GABBR2: variants seen among roughly 807,000 people sequenced by gnomAD.
GABBR2 encodes gamma-aminobutyric acid type B receptor subunit 2.
A neutral mutation model predicts 105.6 loss-of-function variants in GABBR2; 23 were observed. The observed-to-expected ratio is 0.22, with a 90% confidence interval of 0.16 to 0.31. The LOEUF (loss-of-function observed/expected upper bound fraction) is 0.31, where lower values mean the gene tolerates loss of function less well. Among genes scored for constraint, GABBR2 ranks in the 10% least tolerant of loss-of-function variants. GABBR2 has a pLI of 1.00. For synonymous variants in GABBR2, 478 were observed against 499.7 expected (o/e 0.96, Z 0.58); for missense variants, 734 against 1,245.5 (o/e 0.59, Z 6.18).
chr9:98,350,875 T>G (rs1831387304), intron 13 of GABBR2, among the ~76,000 whole-genome samples: 1 of 152,204 alleles, frequency 6.6e-6, no homozygotes, highest in Non-Finnish European at 1.5e-5. Context: ...GGAGTCTACC[T>G]CTTTCTTTAG....
chr9:98,301,941 C>T (rs1336812), intron 16 of GABBR2, among the ~76,000 whole-genome samples: 154 of 152,268 alleles, frequency 1.0e-3, no homozygotes, highest in African/African-American at 3.3e-3. Flanking sequence ...CTGTGAGCCC[C>T]CCAAAGGGCG....
intron 7 of GABBR2, among the ~76,000 whole-genome samples, chr9:98,410,463 T>C (rs1052383456): frequency 1.3e-5 from 2 of 151,008 alleles, no homozygotes; most frequent in African/African-American, 4.9e-5. Context: ...GAAGCGGTCA[T>C]GGGAGATTAG....
At chr9:98,620,042 C>T (rs1188375800) in intron 1 of GABBR2, among the ~76,000 whole-genome samples, 1 of 152,172 alleles carries the variant, frequency 6.6e-6, no homozygotes, top group Non-Finnish European at 1.5e-5. Flanking sequence ...TGTGAGAAAC[C>T]CGTGAGATAG....
intron 14 of GABBR2, among the ~76,000 whole-genome samples, chr9:98,309,205 TGAA>T (rs1830598365): frequency 2.6e-5 from 4 of 152,266 alleles, no homozygotes; most frequent in African/African-American, 4.8e-5. Context: ...ATGAGCTGGC[TGAA>T]GCTGTTAGCT....
At chr9:98,637,171 C>T (rs1055283383) in intron 1 of GABBR2, among the ~76,000 whole-genome samples, 1 of 152,132 alleles carries the variant, frequency 6.6e-6, no homozygotes, top group African/African-American at 2.4e-5. Context: ...TGCAGTGAGT[C>T]CAAGTAAAAT....
intron 2 of GABBR2, among the ~76,000 whole-genome samples, chr9:98,566,707 G>A (rs62576025): frequency 0.087 from 13,033 of 149,796 alleles, 784 homozygotes; most frequent in Non-Finnish European, 0.14. Flanking sequence ...TTAGCTGGGC[G>A]TGGTAGTATG....
intron 1 of GABBR2, among the ~76,000 whole-genome samples, chr9:98,588,807 G>A (rs1004639955): frequency 6.6e-6 from 1 of 152,184 alleles, no homozygotes; most frequent in Non-Finnish European, 1.5e-5. Flanking sequence ...GACGATGTGT[G>A]CCATGCCCAG....
At chr9:98,603,603 C>A (rs1564128013) in intron 1 of GABBR2, among the ~76,000 whole-genome samples, 1 of 152,092 alleles carries the variant, frequency 6.6e-6, no homozygotes, top group East Asian at 1.9e-4. Context: ...TTTTTGCCTC[C>A]CACCCTGGGC....
chr9:98,317,668 C>G (rs147184313), intron 13 of GABBR2, among the ~76,000 whole-genome samples: 1 of 152,184 alleles, frequency 6.6e-6, no homozygotes, highest in Non-Finnish European at 1.5e-5. Context: ...GTCCTACATT[C>G]ATTCATTCGA....
intron 6 of GABBR2, among the ~76,000 whole-genome samples, chr9:98,458,991 T>C (rs1431079784): frequency 6.6e-6 from 1 of 152,202 alleles, no homozygotes; most frequent in Non-Finnish European, 1.5e-5. Context: ...ACTTAGGGAA[T>C]GGCTGATGTT....
chr9:98,592,181 C>A (rs1829156506), intron 1 of GABBR2, among the ~76,000 whole-genome samples: 1 of 152,124 alleles, frequency 6.6e-6, no homozygotes, highest in African/African-American at 2.4e-5. Flanking sequence ...AGGCATGGCC[C>A]CACCCAAGTA....
At chr9:98,698,329 A>G (rs1473967877) in intron 1 of GABBR2, among the ~76,000 whole-genome samples, 1 of 152,174 alleles carries the variant, frequency 6.6e-6, no homozygotes, top group Non-Finnish European at 1.5e-5. Flanking sequence ...TGACAATGAC[A>G]CTTCATCCTT....
intron 2 of GABBR2, among the ~76,000 whole-genome samples, chr9:98,551,237 T>C (rs1434796866): frequency 6.6e-6 from 1 of 152,100 alleles, no homozygotes; most frequent in Admixed American, 6.5e-5. Context: ...ACCCTGTCTC[T>C]ACTAAAAATA....
At chr9:98,305,473 T>C (rs964670584) in intron 15 of GABBR2, among the ~76,000 whole-genome samples, 1 of 152,168 alleles carries the variant, frequency 6.6e-6, no homozygotes, top group Non-Finnish European at 1.5e-5. Context: ...GGACAAAACA[T>C]TAAGCAAAGA....
chr9:98,332,425 T>C (rs1831044168), intron 13 of GABBR2, among the ~76,000 whole-genome samples: 1 of 152,128 alleles, frequency 6.6e-6, no homozygotes, highest in African/African-American at 2.4e-5. Flanking sequence ...TACTTGAACA[T>C]GTTATCTCAG....
intron 4 of GABBR2, among the ~76,000 whole-genome samples, chr9:98,490,513 A>C (rs1284525328): frequency 6.6e-6 from 1 of 152,202 alleles, no homozygotes; most frequent in Non-Finnish European, 1.5e-5. Context: ...TTACAATAAA[A>C]GATTTTCTTT....
Position 98,454,005 on chromosome 9 carries a change from G to A in GABBR2, c.1212C>T (p.Asn404=), listed in dbSNP as rs140891913. The change falls in exon 7 of 19, where the codon AAC becomes AAT. Residue 404 remains asparagine (N), a synonymous_variant. Coordinates refer to ENST00000259455, the MANE Select transcript of GABBR2 (RefSeq NM_005458.8). The surrounding 1 kb of genome is among the most constrained non-coding windows in gnomAD (Gnocchi z 4.6). ...TLGRIILNAM[N]ETNFFGVTGQ... ...CCGTGACCCCGAAGAAGTTGGTCTC[G>A]TTCATGGCATTGAGGATGATCCTGC... 1.1e-4 allele frequency: 182 copies of A among 1,613,662 alleles called. No individual in the cohort carries two copies. The highest frequency in any genetic ancestry group is 4.0e-4 in the Admixed American group (24 of 60,006).
At chr9:98,468,813 C>G (rs750159901) in intron 6 of GABBR2, among the ~76,000 whole-genome samples, 26 of 152,168 alleles carry the variant, frequency 1.7e-4, no homozygotes, top group Non-Finnish European at 3.7e-4. Flanking sequence ...ACTCTGTGCT[C>G]CTGTGTGTCA....
chr9:98,374,130 A>G (rs1291559754), intron 11 of GABBR2, among the ~76,000 whole-genome samples: 3 of 152,102 alleles, frequency 2.0e-5, no homozygotes, highest in Non-Finnish European at 4.4e-5. Context: ...AAATGTTGGG[A>G]GTACAGGCAA....
Sources: gnomAD v4.1 joint callset for allele counts (sites outside exome capture counted in the v4.1 genomes callset) on GRCh38, gnomAD v4.1.1 for gene constraint, Gnocchi (gnomAD v3.1) non-coding constraint, MANE v1.5 for transcripts, NCBI Gene and HGNC (gene_info 2026-07-23, HGNC 2026-07-21) for gene names.